AGBL1: variants seen among roughly 807,000 people sequenced by gnomAD.
AGBL1 encodes AGBL carboxypeptidase 1.
A neutral mutation model predicts 118.9 loss-of-function variants in AGBL1; 130 were observed. The ratio of observed to expected loss-of-function variants is 1.09; its 90% CI spans 0.95 to 1.26. The LOEUF (loss-of-function observed/expected upper bound fraction) is 1.26. Among genes scored for constraint, AGBL1 ranks in the 50% most tolerant of loss-of-function variants. The pLI, the probability that AGBL1 is intolerant of heterozygous loss-of-function variation, is 0.00. For missense variants in AGBL1, 1,584 were observed against 1,298.1 expected, an observed-to-expected ratio of 1.22 and a Z score of -3.38; for synonymous variants, 555 against 478.9, an observed-to-expected ratio of 1.16 and a Z score of -2.08.
intron 6 of AGBL1, among the ~76,000 whole-genome samples, chr15:86,228,511 T>C (rs1392753431): frequency 6.6e-6 from 1 of 152,120 alleles, no homozygotes; most frequent in Non-Finnish European, 1.5e-5. Flanking sequence ...GAGGGGGCAG[T>C]CAGTGGTCCT....
At chr15:86,652,570 C>G (rs2085393087) in intron 21 of AGBL1, among the ~76,000 whole-genome samples, 1 of 151,992 alleles carries the variant, frequency 6.6e-6, no homozygotes, top group African/African-American at 2.4e-5. Flanking sequence ...TAGATTTAAA[C>G]ATTTGTTTGG....
At chr15:86,596,929 T>A (rs929726733) in intron 21 of AGBL1, among the ~76,000 whole-genome samples, 1 of 152,196 alleles carries the variant, frequency 6.6e-6, no homozygotes, top group Non-Finnish European at 1.5e-5. Flanking sequence ...AGAGCAGGGA[T>A]ATTTATCTGT....
intron 5 of AGBL1, among the ~76,000 whole-genome samples, chr15:86,159,665 G>C (rs972025865): frequency 6.6e-6 from 1 of 151,984 alleles, no homozygotes; most frequent in Non-Finnish European, 1.5e-5. Flanking sequence ...AGATATTCGG[G>C]ACTATTAAGA....
At chr15:86,654,434 C>T (rs2085429273) in intron 21 of AGBL1, among the ~76,000 whole-genome samples, 1 of 152,102 alleles carries the variant, frequency 6.6e-6, no homozygotes, top group Non-Finnish European at 1.5e-5. Context: ...TATCTGTGGG[C>T]TGGAACTATT....
intron 19 of AGBL1, among the ~76,000 whole-genome samples, chr15:86,537,501 A>G (rs1361910539): frequency 6.6e-6 from 1 of 152,262 alleles, no homozygotes; most frequent in Non-Finnish European, 1.5e-5. Context: ...TCTTCCCAGG[A>G]ACTCACTGCA....
intron 21 of AGBL1, among the ~76,000 whole-genome samples, chr15:86,612,501 C>T (rs1318067976): frequency 6.6e-6 from 1 of 152,054 alleles, no homozygotes; most frequent in Non-Finnish European, 1.5e-5. Context: ...GGAGTTTAGA[C>T]AACAGTGACC....
intron 21 of AGBL1, among the ~76,000 whole-genome samples, chr15:86,665,005 G>A (rs1033076590): frequency 2.6e-5 from 4 of 151,976 alleles, no homozygotes; most frequent in South Asian, 2.1e-4. Context: ...ACCTCATCGC[G>A]CATTTCTAAC....
intron 21 of AGBL1, among the ~76,000 whole-genome samples, chr15:86,665,893 A>G (rs1465514600): frequency 6.6e-6 from 1 of 151,782 alleles, no homozygotes; most frequent in Non-Finnish European, 1.5e-5. Context: ...AAACTTATTT[A>G]CCCCAAGATT....
chr15:86,525,402 A>T (rs2083249528), intron 19 of AGBL1, among the ~76,000 whole-genome samples: 1 of 152,178 alleles, frequency 6.6e-6, no homozygotes, highest in Admixed American at 6.5e-5. Flanking sequence ...AACAATCCTA[A>T]AATTTATATG....
chr15:86,986,403 T>A lies in AGBL1; in HGVS notation c.3222-1584T>A, dbSNP rs2081282623. Among the ~76,000 whole-genome samples the A allele has an allele frequency of 2.0e-5, 3 of 152,238 alleles. No homozygotes were observed. The South Asian group carries it at 6.2e-4, about 31-fold the overall frequency. On this transcript the variant is annotated intron_variant, in intron 23 of 24. Coordinates refer to the AGBL1 transcript ENST00000441037. ...ACACACATATACACACACACTACCGTACTTTCTTAATTACTTTATAATACG... is the reference window on the plus strand; with the variant it reads ...ACACACATATACACACACACTACCGAACTTTCTTAATTACTTTATAATACG...
intron 23 of AGBL1, among the ~76,000 whole-genome samples, chr15:86,971,191 C>T (rs1409173265): frequency 6.6e-6 from 1 of 152,022 alleles, no homozygotes; most frequent in Non-Finnish European, 1.5e-5. Context: ...ATTAGCTCTT[C>T]CTGTTTGCAT....
At chr15:86,278,457 C>A (rs1157786127) in intron 15 of AGBL1, among the ~76,000 whole-genome samples, 1 of 132,608 alleles carries the variant, frequency 7.5e-6, no homozygotes, top group East Asian at 2.0e-4. Flanking sequence ...TATTGAAAAG[C>A]CACAAAACCA....
intron 22 of AGBL1, among the ~76,000 whole-genome samples, chr15:86,792,368 A>T (rs1245928599): frequency 6.6e-6 from 1 of 152,166 alleles, no homozygotes; most frequent in African/African-American, 2.4e-5. Context: ...TTCTGATATA[A>T]CCTGTTCATT....
chr15:86,183,165 A>C (rs998724833), intron 5 of AGBL1, among the ~76,000 whole-genome samples: 1 of 152,190 alleles, frequency 6.6e-6, no homozygotes, highest in Non-Finnish European at 1.5e-5. Flanking sequence ...ATCTCTGGCT[A>C]TCAGAGAGTT....
In AGBL1 at chr15:86,910,441, T is replaced by C. The variant is rs1486732678; in HGVS notation, c.*3147T>C. On this transcript the variant is annotated 3_prime_UTR_variant, in exon 23 of 23. Coordinates refer to ENST00000614907, the MANE Select transcript of AGBL1 (RefSeq NM_001386094.1). Reference sequence around the variant, plus strand: ...TGAAAAGGCTGAATTTAATTCTGAATGTAATGGGGGAGACTTAAAGAGCTT... The same window carrying C: ...TGAAAAGGCTGAATTTAATTCTGAACGTAATGGGGGAGACTTAAAGAGCTT... The C allele has an allele frequency of 6.6e-6, 1 of 152,162 alleles. No individual in the cohort carries two copies. The highest frequency in any genetic ancestry group is 1.5e-5 in the Non-Finnish European group (1 of 68,030). The allele number at this position is 152,162 out of a possible 1,614,324, so 9.4% of individuals were successfully genotyped here.
downstream of AGBL1, among the ~76,000 whole-genome samples, chr15:87,031,449 T>C (rs2081781633): frequency 1.3e-5 from 2 of 151,760 alleles, no homozygotes; most frequent in Admixed American, 6.6e-5. Flanking sequence ...AAATGTAACT[T>C]CATGTCAAAT....
At chr15:86,940,060 CTTTTTTTTTTTTT>C (rs5814267) in intron 23 of AGBL1, among the ~76,000 whole-genome samples, 12 of 59,418 alleles carry the variant, frequency 2.0e-4, no homozygotes, top group Non-Finnish European at 2.8e-4. Context: ...TTTGGTAGTC[CTTTTTTTTTTTTT>C]TTTTTTTTTT....
intron 21 of AGBL1, among the ~76,000 whole-genome samples, chr15:86,634,203 C>T (rs1020579180): frequency 1.3e-5 from 2 of 152,102 alleles, no homozygotes; most frequent in East Asian, 1.9e-4. Flanking sequence ...CCAACTCTTC[C>T]ATGGCTGGGT....
chr15:86,863,392 G>A (rs976088079), intron 22 of AGBL1, among the ~76,000 whole-genome samples: 3 of 152,168 alleles, frequency 2.0e-5, no homozygotes, highest in African/African-American at 4.8e-5. Flanking sequence ...CACCGTGTGA[G>A]CAGCTGCAAC....
Sources: allele counts gnomAD v4.1 joint callset (sites outside exome capture counted in the v4.1 genomes callset), GRCh38; gene constraint gnomAD v4.1.1; transcripts MANE v1.5; gene names NCBI Gene and HGNC (gene_info 2026-07-23, HGNC 2026-07-21).